BICC1: variants seen among roughly 807,000 people sequenced by gnomAD.
BICC1 encodes the protein BicC family RNA binding protein 1.
In BICC1, 43 loss-of-function variants were observed where a neutral mutation model predicts 111.0. That is an observed-to-expected ratio of 0.39 (90% CI 0.30 to 0.50). BICC1 has a LOEUF of 0.50. Ranked by LOEUF, BICC1 falls within the 20% of genes least tolerant of loss-of-function variation. The pLI is 0.88. For missense variants in BICC1, 1,091 were observed against 1,203.2 expected (o/e 0.91, Z 1.38); for synonymous variants, 467 against 434.4 (o/e 1.07, Z -0.93).
intron 3 of BICC1, among the ~76,000 whole-genome samples, chr10:58,755,336 G>C (rs1842115587): frequency 6.6e-6 from 1 of 152,204 alleles, no homozygotes; most frequent in South Asian, 2.1e-4. Flanking sequence ...AAAGGCTACA[G>C]CTTCCATGGT....
chr10:58,554,736 G>A (rs958136575), intron 1 of BICC1, among the ~76,000 whole-genome samples: 8 of 151,112 alleles, frequency 5.3e-5, no homozygotes, highest in Admixed American at 4.0e-4. Flanking sequence ...TTTAAACAAT[G>A]TGATATCAAT....
intron 1 of BICC1, among the ~76,000 whole-genome samples, chr10:58,569,140 TA>T (rs1843863695): frequency 6.6e-6 from 1 of 152,174 alleles, no homozygotes; most frequent in Non-Finnish European, 1.5e-5. Flanking sequence ...CATGTATGTT[TA>T]AAAGTTACAT....
chr10:58,538,804 C>A (rs1017799657), intron 1 of BICC1, among the ~76,000 whole-genome samples: 9 of 151,694 alleles, frequency 5.9e-5, no homozygotes, highest in African/African-American at 1.2e-4. Context: ...GGATGATTTG[C>A]AAATGGCCAA....
At chr10:58,787,184 A>G (rs1843034539) in intron 5 of BICC1, 103 bp downstream of exon 5, 1 of 1,041,902 alleles carries the variant, frequency 9.6e-7, no homozygotes, top group Admixed American at 2.9e-5. Context: ...CAAAAAAAAA[A>G]TCACATAGAT....
At chr10:58,539,012 C>A (rs1009797701) in intron 1 of BICC1, among the ~76,000 whole-genome samples, 3 of 151,694 alleles carry the variant, frequency 2.0e-5, no homozygotes, top group African/African-American at 7.2e-5. Context: ...CTATAGAATA[C>A]AGTATGGAGA....
chr10:58,771,379 T>C (rs1842619094), intron 3 of BICC1, among the ~76,000 whole-genome samples: 1 of 152,200 alleles, frequency 6.6e-6, no homozygotes, highest in South Asian at 2.1e-4. Flanking sequence ...ATACATAGTC[T>C]GTTTTGTGAG....
intron 2 of BICC1, among the ~76,000 whole-genome samples, chr10:58,701,322 G>A (rs1420585056): frequency 2.6e-5 from 4 of 152,056 alleles, no homozygotes; most frequent in Non-Finnish European, 5.9e-5. Flanking sequence ...TGTAATTCAC[G>A]TAAAATTAGT....
intron 1 of BICC1, among the ~76,000 whole-genome samples, chr10:58,542,167 CA>C (rs796757686): frequency 0.038 from 3,483 of 91,436 alleles, 170 homozygotes; most frequent in African/African-American, 0.12. Flanking sequence ...AAAAAAAAAA[CA>C]AAAAAAAAAA....
intron 2 of BICC1, among the ~76,000 whole-genome samples, chr10:58,647,726 C>T (rs996075388): frequency 6.6e-6 from 1 of 152,030 alleles, no homozygotes; most frequent in Non-Finnish European, 1.5e-5. Flanking sequence ...TAAAGAGCTA[C>T]CCTGCACCAT....
At chr10:58,688,471 T>G (rs543923004) in intron 2 of BICC1, among the ~76,000 whole-genome samples, 2 of 151,072 alleles carry the variant, frequency 1.3e-5, no homozygotes, top group Non-Finnish European at 3.0e-5. Context: ...TTTCTCCAAG[T>G]CCCCCCCTGA....
intron 2 of BICC1, among the ~76,000 whole-genome samples, chr10:58,664,278 C>G (rs1445316850): frequency 6.6e-6 from 1 of 152,112 alleles, no homozygotes; most frequent in Non-Finnish European, 1.5e-5. Context: ...TTAGTAGTTT[C>G]TGATTGTGGA....
chr10:58,733,516 G>A (rs1841380735), intron 3 of BICC1, among the ~76,000 whole-genome samples: 1 of 152,174 alleles, frequency 6.6e-6, no homozygotes, highest in Non-Finnish European at 1.5e-5. Context: ...GGAAATTTTT[G>A]TAATCTGGGT....
chr10:58,542,530 C>G (rs991564891), intron 1 of BICC1, among the ~76,000 whole-genome samples: 1 of 152,072 alleles, frequency 6.6e-6, no homozygotes, highest in Non-Finnish European at 1.5e-5. Context: ...GACATCAGAC[C>G]TAAAAACTTT....
intron 1 of BICC1, among the ~76,000 whole-genome samples, chr10:58,561,158 G>A (rs758281640): frequency 1.4e-4 from 22 of 151,772 alleles, no homozygotes; most frequent in Non-Finnish European, 2.8e-4. Context: ...TTATTGTATT[G>A]GGGCCTGTCT....
intron 3 of BICC1, among the ~76,000 whole-genome samples, chr10:58,723,544 G>A (rs540380868): frequency 2.0e-5 from 3 of 152,272 alleles, no homozygotes; most frequent in East Asian, 3.9e-4. Context: ...TTGGTGAGAC[G>A]GGTATGGCAG....
chr10:58,639,770 G>A (rs573829524), intron 2 of BICC1, among the ~76,000 whole-genome samples: 1 of 138,126 alleles, frequency 7.2e-6, no homozygotes, highest in South Asian at 2.3e-4. Flanking sequence ...CTCCCAGGCT[G>A]GGGTACATCT....
intron 3 of BICC1, among the ~76,000 whole-genome samples, chr10:58,734,975 G>A (rs971008897): frequency 1.3e-5 from 2 of 152,128 alleles, no homozygotes; most frequent in South Asian, 2.1e-4. Context: ...CCCCTCACTA[G>A]TTGCCATGCA....
At chr10:58,561,387 T>C (rs2217145) in intron 1 of BICC1, among the ~76,000 whole-genome samples, 4,717 of 152,132 alleles carry the variant, frequency 0.031, 232 homozygotes, top group African/African-American at 0.11. Context: ...TTGGTTTCTC[T>C]TTGTGTAGAA....
chr10:58,733,456 T>G (rs945265819), intron 3 of BICC1, among the ~76,000 whole-genome samples: 7 of 152,250 alleles, frequency 4.6e-5, no homozygotes, highest in African/African-American at 1.7e-4. Flanking sequence ...ACACACTTGC[T>G]TAAAACTAGA....
Sources: gnomAD v4.1 joint callset for allele counts (sites outside exome capture counted in the v4.1 genomes callset) on GRCh38, gnomAD v4.1.1 for gene constraint, MANE v1.5 for transcripts, NCBI Gene and HGNC (gene_info 2026-07-23, HGNC 2026-07-21) for gene names.